Variants in LARP1B observed in about 807,000 individuals in gnomAD.
The protein encoded by LARP1B is la-related protein 1B.
LARP1B carries 76 observed loss-of-function variants against 114.2 expected under a neutral mutation model. The observed-to-expected ratio is 0.67, with a 90% CI of 0.55 to 0.81. The LOEUF is 0.81. LARP1B is among the 30% of genes least tolerant of loss of function. LARP1B has a pLI of 0.00. For synonymous variants in LARP1B, 345 were observed against 348.0 expected, an observed-to-expected ratio of 0.99 and a Z score of 0.10; for missense variants, 1,014 against 1,075.8, an observed-to-expected ratio of 0.94 and a Z score of 0.80.
chr4:128,091,697 A>G (rs1020376694), intron 7 of LARP1B, among the ~76,000 whole-genome samples, 185 bp downstream of exon 7: 1 of 151,954 alleles, frequency 6.6e-6, no homozygotes, highest in Non-Finnish European at 1.5e-5. Flanking sequence ...CCTGGGTTCA[A>G]GTGATTGTTC....
chr4:128,178,699 A>G (rs1426987496), intron 14 of LARP1B, 57 bp downstream of exon 14: 16 of 1,247,352 alleles, frequency 1.3e-5, no homozygotes, highest in Non-Finnish European at 1.7e-5. Context: ...AACATTACAG[A>G]ATGAAACGTT....
At chr4:128,088,782 C>G (rs1774696918) in intron 5 of LARP1B, among the ~76,000 whole-genome samples, 1 of 151,926 alleles carries the variant, frequency 6.6e-6, no homozygotes. Flanking sequence ...ATAAATAAGG[C>G]TTACTTACAG....
At chr4:128,105,408 AC>A (rs1781733801) in intron 8 of LARP1B, among the ~76,000 whole-genome samples, 1 of 152,170 alleles carries the variant, frequency 6.6e-6, no homozygotes, top group Non-Finnish European at 1.5e-5. Flanking sequence ...ACTGTTTGCT[AC>A]TGGGGTGTCA....
intron 7 of LARP1B, among the ~76,000 whole-genome samples, chr4:128,096,686 C>T (rs1184602574): frequency 2.0e-5 from 3 of 150,752 alleles, no homozygotes; most frequent in Non-Finnish European, 4.4e-5. Flanking sequence ...CTGAAAGCTC[C>T]GCCTCCCAGG....
At chr4:128,142,977 C>T (rs1385117031) in intron 11 of LARP1B, among the ~76,000 whole-genome samples, 1 of 151,932 alleles carries the variant, frequency 6.6e-6, no homozygotes, top group African/African-American at 2.4e-5. Flanking sequence ...GCTGGAGAGT[C>T]AAGTGAATCA....
intron 1 of LARP1B, among the ~76,000 whole-genome samples, chr4:128,068,491 TTTTA>T (rs1468985906): frequency 2.6e-5 from 4 of 152,088 alleles, no homozygotes; most frequent in African/African-American, 9.7e-5. Context: ...TGGCAAATTA[TTTTA>T]TTTTTGTTTT....
At chr4:128,189,057 G>C (rs1416073041) in intron 15 of LARP1B, among the ~76,000 whole-genome samples, 1 of 152,048 alleles carries the variant, frequency 6.6e-6, no homozygotes, top group Non-Finnish European at 1.5e-5. Flanking sequence ...TTGATTTTCT[G>C]TCTGGATGAT....
intron 11 of LARP1B, among the ~76,000 whole-genome samples, chr4:128,152,973 CTTTTTTTTT>C (rs141211750): frequency 9.8e-5 from 8 of 81,276 alleles, no homozygotes; most frequent in Non-Finnish European, 1.5e-4. Context: ...TTTGGTTTGC[CTTTTTTTTT>C]TTTTTTTTTT....
At chr4:128,190,443 T>C (rs1425444820) in intron 15 of LARP1B, among the ~76,000 whole-genome samples, 1 of 152,212 alleles carries the variant, frequency 6.6e-6, no homozygotes, top group African/African-American at 2.4e-5. Flanking sequence ...AATATTGATA[T>C]GGTTTGGCTT....
chr4:128,080,467 C>T (rs1479896406), intron 4 of LARP1B, among the ~76,000 whole-genome samples: 1 of 152,042 alleles, frequency 6.6e-6, no homozygotes, highest in African/African-American at 2.4e-5. Flanking sequence ...AGATTAAAAG[C>T]CTTTTTAGAT....
At chr4:128,136,329 CAA>C (rs952024151) in intron 11 of LARP1B, among the ~76,000 whole-genome samples, 2 of 146,492 alleles carry the variant, frequency 1.4e-5, no homozygotes, top group African/African-American at 2.6e-5. Flanking sequence ...AACAAAAAAA[CAA>C]AAAAACAAAA....
At chr4:128,119,658 C>T (rs1382645862) in intron 10 of LARP1B, among the ~76,000 whole-genome samples, 1 of 152,180 alleles carries the variant, frequency 6.6e-6, no homozygotes, top group Admixed American at 6.5e-5. Flanking sequence ...AGAACCCTGG[C>T]GGGATCAATG....
At chr4:128,084,092 C>T (rs948622566) in intron 5 of LARP1B, among the ~76,000 whole-genome samples, 2 of 152,066 alleles carry the variant, frequency 1.3e-5, no homozygotes, top group African/African-American at 4.8e-5. Context: ...GCGCTCCTCA[C>T]TTCCTAGATG....
intron 12 of LARP1B, among the ~76,000 whole-genome samples, chr4:128,171,079 A>T (rs1743457479): frequency 6.6e-6 from 1 of 151,348 alleles, no homozygotes. Flanking sequence ...TTTCAATAAG[A>T]ATGTAGAAAC....
intron 15 of LARP1B, among the ~76,000 whole-genome samples, chr4:128,197,364 A>C (rs948937603): frequency 1.3e-5 from 2 of 152,190 alleles, no homozygotes; most frequent in East Asian, 1.9e-4. Flanking sequence ...AAATTTTATC[A>C]TTGGAAAAAA....
intron 12 of LARP1B, among the ~76,000 whole-genome samples, chr4:128,167,435 G>A (rs905116024): frequency 6.6e-6 from 1 of 151,934 alleles, no homozygotes; most frequent in Non-Finnish European, 1.5e-5. Context: ...TTGCTATTGA[G>A]TTGTCTGAGT....
Position 128,181,570 on chromosome 4 carries a change from T to A in LARP1B, c.2003+2058T>A, listed in dbSNP as rs148283140. 3.5e-3 allele frequency among the ~76,000 whole-genome samples: 526 copies of A among 152,286 alleles called. 20 individuals are homozygous for A. The highest frequency in any genetic ancestry group is 0.033 in the Admixed American group (497 of 15,292). Reference sequence around the variant, plus strand: ...ATCCTATTTTATCTCTACTATTGACTTATTAGTTATGTCTCTTTTTTATTT... The same window carrying A: ...ATCCTATTTTATCTCTACTATTGACATATTAGTTATGTCTCTTTTTTATTT... On this transcript the variant is annotated intron_variant, in intron 15 of 19. Coordinates refer to ENST00000326639, the MANE Select transcript of LARP1B (RefSeq NM_018078.4).
intron 1 of LARP1B, chr4:128,069,653 G>A (rs895910285): frequency 5.3e-6 from 3 of 563,098 alleles, no homozygotes; most frequent in Admixed American, 2.8e-5. Flanking sequence ...GAAGGGGCAC[G>A]GATTCTTTTA....
chr4:128,125,862 G>A (rs1028819073), intron 11 of LARP1B, among the ~76,000 whole-genome samples: 3 of 152,176 alleles, frequency 2.0e-5, no homozygotes, highest in Non-Finnish European at 2.9e-5. Context: ...TTCATACTCT[G>A]GGTGACTAAA....
Sources: gnomAD v4.1 joint callset for allele counts (sites outside exome capture counted in the v4.1 genomes callset) on GRCh38, gnomAD v4.1.1 for gene constraint, MANE v1.5 for transcripts, NCBI Gene and HGNC (gene_info 2026-07-23, HGNC 2026-07-21) for gene names.